The following ZNF804A variants were observed in gnomAD, a reference collection of about 807,000 sequenced individuals.
The protein encoded by ZNF804A is zinc finger protein 804A.
Under a neutral mutation model 16.5 loss-of-function variants are expected in ZNF804A, and 2 were observed. The ratio of observed to expected loss-of-function variants is 0.12; its 90% CI spans 0.05 to 0.38. The LOEUF is 0.38. Among genes scored for constraint, ZNF804A ranks in the 10% least tolerant of loss-of-function variants. The pLI, the probability that ZNF804A is intolerant of heterozygous loss-of-function variation, is 0.99. For missense variants in ZNF804A, 1,473 were observed against 1,390.7 expected (o/e 1.06, Z -0.94); for synonymous variants, 534 against 489.6 (o/e 1.09, Z -1.20).
intron 1 of ZNF804A, among the ~76,000 whole-genome samples, chr2:184,816,400 T>A (rs1194813577): frequency 6.6e-6 from 1 of 152,056 alleles, no homozygotes; most frequent in Non-Finnish European, 1.5e-5. Flanking sequence ...GTTTATCATT[T>A]GGCACTTTCT....
chr2:184,679,527 C>G (rs11892742), intron 1 of ZNF804A, among the ~76,000 whole-genome samples: 1 of 151,986 alleles, frequency 6.6e-6, no homozygotes. Flanking sequence ...TCTGCACTCC[C>G]GGGGGCTCAG....
chr2:184,750,333 C>A (rs1048668029), intron 1 of ZNF804A, among the ~76,000 whole-genome samples: 2 of 151,252 alleles, frequency 1.3e-5, no homozygotes, highest in South Asian at 2.1e-4. Flanking sequence ...CTTAATGTGA[C>A]AAAAATACAT....
chr2:184,795,897 C>CA (rs1558964106), intron 1 of ZNF804A, among the ~76,000 whole-genome samples: 1 of 152,042 alleles, frequency 6.6e-6, no homozygotes, highest in Admixed American at 6.6e-5. Flanking sequence ...CTGAACAGAC[C>CA]AATAACAATC....
chr2:184,853,574 A>T (rs1462915704), intron 1 of ZNF804A, among the ~76,000 whole-genome samples: 1 of 151,848 alleles, frequency 6.6e-6, no homozygotes, highest in African/African-American at 2.4e-5. Flanking sequence ...TATTCCTTCT[A>T]TATCTAATTT....
At chr2:184,814,037 C>A (rs1475117462) in intron 1 of ZNF804A, among the ~76,000 whole-genome samples, 1 of 94,144 alleles carries the variant, frequency 1.1e-5, no homozygotes, top group Non-Finnish European at 1.9e-5. Context: ...GTCTACTACT[C>A]TGTTCCAAGC....
chr2:184,756,646 A>G (rs1449053446), intron 1 of ZNF804A, among the ~76,000 whole-genome samples: 1 of 152,000 alleles, frequency 6.6e-6, no homozygotes, highest in South Asian at 2.1e-4. Flanking sequence ...ATATTATTTC[A>G]TGTGTCCATT....
intron 1 of ZNF804A, among the ~76,000 whole-genome samples, chr2:184,759,168 C>A (rs1269440603): frequency 6.7e-6 from 1 of 149,938 alleles, no homozygotes; most frequent in African/African-American, 2.4e-5. Flanking sequence ...TATTGTTATT[C>A]TCATAACAAT....
At chr2:184,734,020 AT>A (rs1158215966) in intron 1 of ZNF804A, among the ~76,000 whole-genome samples, 1 of 151,644 alleles carries the variant, frequency 6.6e-6, no homozygotes, top group Admixed American at 6.6e-5. Context: ...TTTTAGTAAC[AT>A]TGTTTCTTCT....
chr2:184,749,291 A>G (rs1217301225), intron 1 of ZNF804A, among the ~76,000 whole-genome samples: 1 of 151,252 alleles, frequency 6.6e-6, no homozygotes, highest in East Asian at 1.9e-4. Flanking sequence ...AGATCTTTCA[A>G]CAATTTGGTT....
intron 1 of ZNF804A, among the ~76,000 whole-genome samples, chr2:184,693,257 T>C (rs1288241481): frequency 6.6e-6 from 1 of 152,198 alleles, no homozygotes; most frequent in Non-Finnish European, 1.5e-5. Flanking sequence ...TTCTCAATTA[T>C]CTTTTATAAG....
At chr2:184,602,118 C>G (rs1559104891) in intron 1 of ZNF804A, among the ~76,000 whole-genome samples, 1 of 151,852 alleles carries the variant, frequency 6.6e-6, no homozygotes, top group Non-Finnish European at 1.5e-5. Context: ...TCATATTATA[C>G]CACCCAAACA....
chr2:184,838,338 A>G (rs536605811), intron 1 of ZNF804A, among the ~76,000 whole-genome samples: 28 of 152,160 alleles, frequency 1.8e-4, no homozygotes, highest in Non-Finnish European at 7.4e-5. Context: ...GGGCAGGTTA[A>G]ACTGTCTGTG....
chr2:184,849,488 C>G (rs1267091761), intron 1 of ZNF804A, among the ~76,000 whole-genome samples: 1 of 151,964 alleles, frequency 6.6e-6, no homozygotes, highest in Non-Finnish European at 1.5e-5. Context: ...AAAAAATGCT[C>G]AATGCCACTA....
At chr2:184,658,369 T>C (rs961107977) in intron 1 of ZNF804A, among the ~76,000 whole-genome samples, 62 of 152,252 alleles carry the variant, frequency 4.1e-4, no homozygotes, top group African/African-American at 1.4e-3. Context: ...CCAGCTACTC[T>C]GGTTGAGCCA....
intron 1 of ZNF804A, among the ~76,000 whole-genome samples, chr2:184,755,940 CA>C (rs151168522): frequency 6.6e-6 from 1 of 151,896 alleles, no homozygotes. Context: ...TTATAAGTCT[CA>C]AAAAATACAT....
At chr2:184,697,011 AGT>A (rs2105729015) in intron 1 of ZNF804A, among the ~76,000 whole-genome samples, 1 of 152,144 alleles carries the variant, frequency 6.6e-6, no homozygotes, top group Non-Finnish European at 1.5e-5. Flanking sequence ...ATTAAAAAAT[AGT>A]GACTTCAGTA....
intron 1 of ZNF804A, among the ~76,000 whole-genome samples, chr2:184,702,811 T>C (rs1692943453): frequency 6.6e-6 from 1 of 152,172 alleles, no homozygotes; most frequent in African/African-American, 2.4e-5. Context: ...ATAGGTTAAT[T>C]TGCCTCTGTA....
At chr2:184,866,681 T>C (rs2105811380) in intron 2 of ZNF804A, among the ~76,000 whole-genome samples, 169 bp downstream of exon 2, 1 of 151,054 alleles carries the variant, frequency 6.6e-6, no homozygotes, top group Admixed American at 6.6e-5. Context: ...CAAAATCCTT[T>C]TTTTTTTTTT....
intron 3 of ZNF804A, among the ~76,000 whole-genome samples, chr2:184,935,329 T>C (rs1250919591): frequency 1.3e-5 from 2 of 152,188 alleles, no homozygotes; most frequent in African/African-American, 4.8e-5. Context: ...ATTGAATTGT[T>C]CAACTGAATT....
Sources: allele counts gnomAD v4.1 joint callset (sites outside exome capture counted in the v4.1 genomes callset), GRCh38; gene constraint gnomAD v4.1.1; transcripts MANE v1.5; gene names NCBI Gene and HGNC (gene_info 2026-07-23, HGNC 2026-07-21).